GPR149: variants seen among roughly 807,000 people sequenced by gnomAD.
GPR149 encodes probable G protein-coupled receptor 149.
In GPR149, 50 loss-of-function variants were observed where a neutral mutation model predicts 50.2. The observed-to-expected ratio is 1.00, with a 90% CI of 0.79 to 1.26. The LOEUF is 1.26. Among genes scored for constraint, GPR149 ranks in the 50% most tolerant of loss-of-function variants. The pLI is 0.00. For synonymous variants in GPR149, 405 were observed against 358.2 expected, an observed-to-expected ratio of 1.13 and a Z score of -1.48; for missense variants, 983 against 895.4, an observed-to-expected ratio of 1.10 and a Z score of -1.25.
chr3:154,400,600 C>T (rs1275138449), intron 3 of GPR149, among the ~76,000 whole-genome samples: 1 of 150,526 alleles, frequency 6.6e-6, no homozygotes. Flanking sequence ...ATGTAGAAAT[C>T]CCAGAGCCTC....
intron 3 of GPR149, among the ~76,000 whole-genome samples, chr3:154,341,040 C>G (rs898033096): frequency 6.6e-6 from 1 of 151,910 alleles, no homozygotes; most frequent in African/African-American, 2.4e-5. Flanking sequence ...ATTTTAAAAC[C>G]TTGCTTTCTG....
intron 3 of GPR149, among the ~76,000 whole-genome samples, chr3:154,375,276 T>C (rs1431831875): frequency 6.6e-6 from 1 of 152,210 alleles, no homozygotes; most frequent in African/African-American, 2.4e-5. Context: ...TTACATTTTG[T>C]ACATGTTGTA....
At chr3:154,381,553 G>C in intron 3 of GPR149, among the ~76,000 whole-genome samples, 1 of 152,040 alleles carries the variant, frequency 6.6e-6, no homozygotes, top group South Asian at 2.1e-4. Context: ...TTAGGATTTA[G>C]TTTTTTTATA....
At chr3:154,369,255 T>C (rs1459507388) in intron 3 of GPR149, among the ~76,000 whole-genome samples, 1 of 152,216 alleles carries the variant, frequency 6.6e-6, no homozygotes, top group African/African-American at 2.4e-5. Context: ...GCTGATTTTC[T>C]TCTGTACCAC....
chr3:154,345,509 A>G (rs1184548197), intron 3 of GPR149, among the ~76,000 whole-genome samples: 5 of 152,306 alleles, frequency 3.3e-5, no homozygotes, highest in Middle Eastern at 3.4e-3. Flanking sequence ...CATTATTGCT[A>G]TATTCTTGAG....
chr3:154,429,716 T>C lies in GPR149; in HGVS notation c.-101A>G, dbSNP rs538769058. 3.1e-4 allele frequency: 329 copies of C among 1,053,826 alleles called. 13 individuals carry two copies. The South Asian group carries it at 4.8e-3, about 15-fold the overall frequency. 65.3% of individuals were successfully genotyped at this position (1,053,826 alleles called of 1,614,324 possible). A position where few individuals can be genotyped will look rare whatever the true frequency, so the allele number is the denominator to read the frequency against. On this transcript the variant is annotated 5_prime_UTR_variant, in exon 1 of 4. Coordinates refer to ENST00000389740, the MANE Select transcript of GPR149 (RefSeq NM_001038705.3). ...ATCAGATTTCATTCCTCCTACCAAG[T>C]TCCCCTCTAGATGTTCTCCTTGTCA... is the stretch of plus-strand genomic sequence containing the variant.
At chr3:154,385,944 G>A (rs879882294) in intron 3 of GPR149, among the ~76,000 whole-genome samples, 1 of 152,044 alleles carries the variant, frequency 6.6e-6, no homozygotes, top group Non-Finnish European at 1.5e-5. Flanking sequence ...CTCGTGATCT[G>A]CCTGCCTTGG....
At chr3:154,392,762 C>A (rs1033762760) in intron 3 of GPR149, among the ~76,000 whole-genome samples, 4 of 151,216 alleles carry the variant, frequency 2.6e-5, no homozygotes, top group Admixed American at 6.6e-5. Context: ...CTGATGGAAC[C>A]AAACTATTAA....
chr3:154,397,816 G>A (rs1267255495), intron 3 of GPR149, among the ~76,000 whole-genome samples: 3 of 152,098 alleles, frequency 2.0e-5, no homozygotes, highest in East Asian at 1.9e-4. Context: ...TCATTGACAA[G>A]TGAGTTTAGC....
At chr3:154,423,369 T>A (rs1712199783) in intron 2 of GPR149, among the ~76,000 whole-genome samples, 3 of 151,924 alleles carry the variant, frequency 2.0e-5, no homozygotes, top group Admixed American at 6.6e-5. Context: ...TAAAGCTAGC[T>A]GTTTTCAGAA....
chr3:154,344,180 T>C (rs1713870587), intron 3 of GPR149, among the ~76,000 whole-genome samples: 1 of 152,184 alleles, frequency 6.6e-6, no homozygotes, highest in Non-Finnish European at 1.5e-5. Flanking sequence ...ACTAGAAAAC[T>C]GTTATAAACA....
intron 3 of GPR149, among the ~76,000 whole-genome samples, chr3:154,390,153 T>C (rs951457609): frequency 1.3e-5 from 2 of 152,076 alleles, no homozygotes; most frequent in African/African-American, 4.8e-5. Context: ...GGTCAATCCA[T>C]GAAGACTGGG....
chr3:154,406,630 TA>T, intron 3 of GPR149, among the ~76,000 whole-genome samples: 1 of 152,194 alleles, frequency 6.6e-6, no homozygotes, highest in South Asian at 2.1e-4. Flanking sequence ...AGGAAAAAAG[TA>T]AAGCATGAAT....
chr3:154,428,568 CG>C, intron 1 of GPR149, 66 bp downstream of exon 1: 1 of 1,513,218 alleles, frequency 6.6e-7, no homozygotes, highest in Non-Finnish European at 8.9e-7. Context: ...CCGGCGACGC[CG>C]GTCCCAACAC....
At position 154,429,386 on chromosome 3, in the gene GPR149, T is replaced by C. The variant is rs373893460; in HGVS notation, c.230A>G (p.Asp77Gly). 7.4e-6 allele frequency: 12 copies of C among 1,614,034 alleles called. No individual in the cohort carries two copies. Among genetic ancestry groups the C allele is most frequent in the East Asian group, 2.2e-5 (1 of 44,892 alleles). Residue 77 changes from aspartate (D) to glycine (G), a missense_variant, in exon 1 of 4, where the codon GAT (aspartate) becomes GGT (glycine). Transcript: ENST00000389740. ...VSMLVASWSVDDLMSVLSVTI... is the reference protein window; with the variant it reads ...VSMLVASWSVGDLMSVLSVTI... ...CACCGACAGGACGCTCATGAGATCA[T>C]CCACAGACCAGGAAGCCACAAGCAT...
At chr3:154,339,658 G>C (rs1241600204) in intron 3 of GPR149, among the ~76,000 whole-genome samples, 1 of 152,028 alleles carries the variant, frequency 6.6e-6, no homozygotes, top group Non-Finnish European at 1.5e-5. Context: ...TTTTCAATCT[G>C]GACCCAACAG....
chr3:154,425,050 A>G (rs1245865666), intron 2 of GPR149, among the ~76,000 whole-genome samples: 2 of 151,982 alleles, frequency 1.3e-5, no homozygotes, highest in Admixed American at 1.3e-4. Context: ...GAAGCAAAAC[A>G]AAACAAAACA....
intron 3 of GPR149, among the ~76,000 whole-genome samples, chr3:154,407,168 T>C (rs924059032): frequency 1.3e-5 from 2 of 152,078 alleles, no homozygotes; most frequent in Non-Finnish European, 2.9e-5. Flanking sequence ...CAAAATGAGA[T>C]TTGGGTGGAG....
chr3:154,398,184 G>A (rs1364308782), intron 3 of GPR149, among the ~76,000 whole-genome samples: 2 of 152,098 alleles, frequency 1.3e-5, no homozygotes, highest in African/African-American at 4.8e-5. Flanking sequence ...GTCAGTCAAA[G>A]AGGAAGAAAA....
Sources: gnomAD v4.1 joint callset for allele counts (sites outside exome capture counted in the v4.1 genomes callset) on GRCh38, gnomAD v4.1.1 for gene constraint, MANE v1.5 for transcripts, NCBI Gene and HGNC (gene_info 2026-07-23, HGNC 2026-07-21) for gene names.